TP73: variants seen among roughly 807,000 people sequenced by gnomAD.
TP73 encodes the protein p53-like transcription factor.
Under a neutral mutation model 62.5 loss-of-function variants are expected in TP73, and 25 were observed. The observed-to-expected ratio is 0.40, with a 90% CI of 0.29 to 0.56. The LOEUF (loss-of-function observed/expected upper bound fraction) is 0.56, where lower values mean the gene tolerates loss of function less well. Ranked by LOEUF, TP73 falls within the 20% of genes least tolerant of loss-of-function variation. The probability of loss-of-function intolerance (pLI) is 0.46; values close to 1 mark genes in which losing one functional copy is unlikely to be tolerated. For synonymous variants in TP73, 423 were observed against 377.5 expected (o/e 1.12, Z -1.40); for missense variants, 754 against 913.3 (o/e 0.83, Z 2.25).
At chr1:3,686,021 C>T (rs1645646411) in intron 3 of TP73, among the ~76,000 whole-genome samples, 1 of 152,202 alleles carries the variant, frequency 6.6e-6, no homozygotes, top group African/African-American at 2.4e-5. Flanking sequence ...GTTCGTGGCT[C>T]AGGTGGGGGG....
chr1:3,714,141 A>G (rs886341700), intron 4 of TP73: 1 of 152,194 alleles, frequency 6.6e-6, no homozygotes, highest in East Asian at 1.9e-4. Context: ...ATTTCAATGA[A>G]GATTTACAAA....
chr1:3,665,109 A>G (rs1645081782), intron 1 of TP73, among the ~76,000 whole-genome samples: 1 of 152,178 alleles, frequency 6.6e-6, no homozygotes, highest in Non-Finnish European at 1.5e-5. Flanking sequence ...CTGCTATCAC[A>G]GTCTTTGCCG....
chr1:3,698,985 A>G (rs896474115), intron 3 of TP73, among the ~76,000 whole-genome samples: 3 of 152,114 alleles, frequency 2.0e-5, no homozygotes, highest in African/African-American at 4.8e-5. Flanking sequence ...AAAGTTCCAC[A>G]TGGCCCTGGC....
At chr1:3,719,789 C>G (rs188166128) in intron 4 of TP73, among the ~76,000 whole-genome samples, 46 of 152,348 alleles carry the variant, frequency 3.0e-4, no homozygotes, top group African/African-American at 1.1e-3. Flanking sequence ...CTGTACTTCC[C>G]GCTGTGCCCA....
At chr1:3,719,989 C>T (rs1406389826) in intron 4 of TP73, among the ~76,000 whole-genome samples, 1 of 151,290 alleles carries the variant, frequency 6.6e-6, no homozygotes, top group Non-Finnish European at 1.5e-5. Context: ...GATCTCGGCT[C>T]ACTGCAACCT....
At chr1:3,689,989 G>C (rs1375264205) in intron 3 of TP73, among the ~76,000 whole-genome samples, 1 of 152,210 alleles carries the variant, frequency 6.6e-6, no homozygotes, top group Admixed American at 6.5e-5. Flanking sequence ...CACTAGACGG[G>C]TGCGGGGCAC....
intron 4 of TP73, among the ~76,000 whole-genome samples, chr1:3,709,125 T>C (rs1387514614): frequency 4.6e-5 from 7 of 152,144 alleles, no homozygotes; most frequent in African/African-American, 1.7e-4. Context: ...GCCGGGCTGG[T>C]CTGGGGTCTG....
At chr1:3,728,085 C>A in intron 8 of TP73, 44 bp from the exon 9 acceptor site, 1 of 1,566,930 alleles carries the variant, frequency 6.4e-7, no homozygotes, top group Non-Finnish European at 8.7e-7. Flanking sequence ...GCCTCACCCT[C>A]TGGTCCTGCC....
chr1:3,704,932 C>T lies in TP73; in HGVS notation c.187-2617C>T, dbSNP rs533713535. Among the ~76,000 whole-genome samples, 3 of 152,336 alleles carry T rather than the reference C, an allele frequency of 2.0e-5. No individual in the cohort carries two copies. The South Asian group carries it at 6.2e-4, about 32-fold the overall frequency. On this transcript the variant is annotated intron_variant, in intron 3 of 13. Transcript: ENST00000378295. Reference sequence around the variant, plus strand: ...CAGACACCAGGAGGAGCAGGAGTAGCCTTTCTACATCTTTCTCTGAGGGGG... The same window carrying T: ...CAGACACCAGGAGGAGCAGGAGTAGTCTTTCTACATCTTTCTCTGAGGGGG...
Position 3,730,543 on chromosome 1 carries a change from T to C in TP73, c.1346-384T>C, listed in dbSNP as rs140912380. On this transcript the variant is annotated intron_variant, in intron 11 of 13. Transcript: ENST00000378295. ...GCCCCAGCACAAGCCGGGGGCTCCA[T>C]TGGATAGAGTTTGGGCCCCCTTCCC... Among the ~76,000 whole-genome samples the C allele has an allele frequency of 4.4e-3, 671 of 152,194 alleles. 4 individuals carry two copies. Among genetic ancestry groups the C allele is most frequent in the African/African-American group, 0.015 (618 of 41,524 alleles).
chr1:3,724,357 A>T (rs1244693324), intron 6 of TP73, among the ~76,000 whole-genome samples: 1 of 133,892 alleles, frequency 7.5e-6, no homozygotes, highest in African/African-American at 2.9e-5. Flanking sequence ...AGCCTCCCCC[A>T]CCAGGTCCCC....
At position 3,701,061 on chromosome 1, in the gene TP73, G is replaced by A. The variant is rs907275003; in HGVS notation, c.187-6488G>A. Among the ~76,000 whole-genome samples the A allele has an allele frequency of 6.6e-6, 1 of 152,148 alleles. No individual in the cohort carries two copies. Among genetic ancestry groups the A allele is most frequent in the Non-Finnish European group, 1.5e-5 (1 of 68,030 alleles). ...GCTGTGGCCGACATGGCGGGCAGTGGCACACCGTGGCCACTTCCCCCAGTT... is the reference window on the plus strand; with the variant it reads ...GCTGTGGCCGACATGGCGGGCAGTGACACACCGTGGCCACTTCCCCCAGTT... On this transcript the variant is annotated intron_variant, in intron 3 of 13. Transcript: ENST00000378295. The surrounding 1 kb of genome is among the most constrained non-coding windows in gnomAD (Gnocchi z 4.7).
intron 1 of TP73, chr1:3,658,982 G>T (rs1226050082): frequency 6.6e-6 from 1 of 150,754 alleles, no homozygotes; most frequent in Non-Finnish European, 1.5e-5. Context: ...ATATTTTGGG[G>T]TGACGTATTC....
intron 4 of TP73, among the ~76,000 whole-genome samples, chr1:3,714,475 T>C (rs934577149): frequency 6.6e-6 from 1 of 152,120 alleles, no homozygotes; most frequent in Non-Finnish European, 1.5e-5. Flanking sequence ...GCAAGGATGG[T>C]GGGGGCTTCC....
At chr1:3,697,437 A>G (rs1638768250) in intron 3 of TP73, among the ~76,000 whole-genome samples, 2 of 151,866 alleles carry the variant, frequency 1.3e-5, no homozygotes, top group East Asian at 3.9e-4. Context: ...CCCACCCAAT[A>G]CCTGGGGCAG....
chr1:3,653,989 C>T (rs558008812), intron 1 of TP73, among the ~76,000 whole-genome samples: 2 of 152,262 alleles, frequency 1.3e-5, no homozygotes, highest in Admixed American at 1.3e-4. Context: ...GCCTGGCCAT[C>T]ATGGTGAAAC....
chr1:3,719,777 T>G (rs1480103104), intron 4 of TP73, among the ~76,000 whole-genome samples: 7 of 152,226 alleles, frequency 4.6e-5, no homozygotes, highest in African/African-American at 1.7e-4. Flanking sequence ...ACAAGGAGAC[T>G]GCTGTACTTC....
chr1:3,726,738 G>A (rs1207625478), intron 6 of TP73, among the ~76,000 whole-genome samples: 1 of 147,426 alleles, frequency 6.8e-6, no homozygotes, highest in African/African-American at 2.5e-5. Context: ...GGATGGATGG[G>A]GTTGGTGGAT....
chr1:3,685,679 C>T (rs1645635990), intron 3 of TP73, among the ~76,000 whole-genome samples: 1 of 152,228 alleles, frequency 6.6e-6, no homozygotes, highest in Non-Finnish European at 1.5e-5. Flanking sequence ...GGGCCCAGGG[C>T]TTAGCTGCCT....
Sources: allele counts gnomAD v4.1 joint callset (sites outside exome capture counted in the v4.1 genomes callset), GRCh38; gene constraint gnomAD v4.1.1; non-coding constraint Gnocchi (gnomAD v3.1); transcripts MANE v1.5; gene names NCBI Gene and HGNC (gene_info 2026-07-23, HGNC 2026-07-21).